Variants in VAT1L observed in about 807,000 individuals in gnomAD.
The protein encoded by VAT1L is putative NADPH-dependent quinone oxidoreductase VAT1L.
VAT1L carries 34 observed loss-of-function variants against 44.1 expected under a neutral mutation model. That is an observed-to-expected ratio of 0.77 (90% CI 0.59 to 1.03). VAT1L has a LOEUF of 1.03. Ranked by LOEUF, VAT1L falls within the 50% of genes least tolerant of loss-of-function variation. VAT1L has a pLI of 0.00. For missense variants in VAT1L, 615 were observed against 538.8 expected (o/e 1.14, Z -1.40); for synonymous variants, 253 against 202.2 (o/e 1.25, Z -2.13).
chr16:77,923,514 G>T (rs975511781), intron 7 of VAT1L, among the ~76,000 whole-genome samples: 1 of 152,140 alleles, frequency 6.6e-6, no homozygotes, highest in East Asian at 1.9e-4. Context: ...TTGGTCCCTG[G>T]AAAGATTGAT....
chr16:77,842,205 C>T (rs1426997143), intron 3 of VAT1L, among the ~76,000 whole-genome samples: 1 of 152,174 alleles, frequency 6.6e-6, no homozygotes, highest in Admixed American at 6.5e-5. Context: ...GCTTTCAAAA[C>T]CAGTCTGGTT....
intron 7 of VAT1L, among the ~76,000 whole-genome samples, chr16:77,971,010 C>CT (rs11312977): frequency 9.3e-5 from 14 of 150,084 alleles, no homozygotes; most frequent in African/African-American, 2.9e-4. Context: ...TCTATTAAAA[C>CT]TTTTTTTTTT....
In VAT1L at chr16:77,967,343, T is replaced by C. The variant is rs1353592400; in HGVS notation, c.1078-4507T>C. 2.0e-5 allele frequency among the ~76,000 whole-genome samples: 3 copies of C among 152,228 alleles called. No homozygotes were observed. The East Asian group carries it at 5.8e-4, about 29-fold the overall frequency. The stretch of plus-strand genomic sequence containing the variant: ...TCAGGTTTCTCCTCTGTGAAACTGA[T>C]GCAGACACTTCTAAGAGGCTTGGTG... On this transcript the variant is annotated intron_variant, in intron 7 of 8. Coordinates refer to ENST00000302536, the MANE Select transcript of VAT1L (RefSeq NM_020927.3).
At chr16:77,838,553 G>A (rs927489933) in intron 3 of VAT1L, among the ~76,000 whole-genome samples, 8 of 152,038 alleles carry the variant, frequency 5.3e-5, no homozygotes, top group African/African-American at 1.7e-4. Flanking sequence ...CGACAGGATA[G>A]AGAGATTAAA....
intron 6 of VAT1L, among the ~76,000 whole-genome samples, chr16:77,883,934 C>T (rs573713554): frequency 2.0e-5 from 3 of 152,276 alleles, no homozygotes; most frequent in Admixed American, 1.3e-4. Flanking sequence ...ACAACCCCAT[C>T]ATCACCACCA....
At chr16:77,969,983 G>T (rs1419921156) in intron 7 of VAT1L, among the ~76,000 whole-genome samples, 1 of 148,292 alleles carries the variant, frequency 6.7e-6, no homozygotes, top group Admixed American at 6.9e-5. Flanking sequence ...GGAGGCCAAC[G>T]GGGGAGGATC....
chr16:77,921,819 C>G (rs2017614806), intron 7 of VAT1L, among the ~76,000 whole-genome samples: 2 of 152,092 alleles, frequency 1.3e-5, no homozygotes, highest in Non-Finnish European at 2.9e-5. Context: ...TGACAGCTCA[C>G]TGCAACCTCT....
At chr16:77,839,352 G>T (rs2016677592) in intron 3 of VAT1L, among the ~76,000 whole-genome samples, 1 of 151,656 alleles carries the variant, frequency 6.6e-6, no homozygotes, top group Admixed American at 6.6e-5. Context: ...TGGCCAACAC[G>T]GTGAAACCCT....
intron 7 of VAT1L, among the ~76,000 whole-genome samples, chr16:77,927,295 G>A (rs1451565415): frequency 6.8e-6 from 1 of 147,810 alleles, no homozygotes; most frequent in African/African-American, 2.5e-5. Context: ...CCGAGATCGC[G>A]CCACTACACT....
chr16:77,807,264 A>C (rs1363215229), intron 1 of VAT1L, among the ~76,000 whole-genome samples: 3 of 151,818 alleles, frequency 2.0e-5, no homozygotes, highest in African/African-American at 7.3e-5. Flanking sequence ...CTCAGTGCTC[A>C]CTCCCCCAGC....
intron 7 of VAT1L, among the ~76,000 whole-genome samples, chr16:77,943,391 T>C (rs1338870581): frequency 6.8e-6 from 1 of 147,700 alleles, no homozygotes; most frequent in African/African-American, 2.5e-5. Flanking sequence ...TTTTTTTTTT[T>C]TTTTTTGAGA....
intron 3 of VAT1L, among the ~76,000 whole-genome samples, chr16:77,844,952 T>C (rs2016744392): frequency 6.6e-6 from 1 of 152,172 alleles, no homozygotes; most frequent in South Asian, 2.1e-4. Context: ...ATGTCTTCAC[T>C]GAGTGGGTGA....
At chr16:77,967,469 T>G (rs1013045940) in intron 7 of VAT1L, among the ~76,000 whole-genome samples, 14 of 152,222 alleles carry the variant, frequency 9.2e-5, no homozygotes, top group Non-Finnish European at 1.6e-4. Flanking sequence ...AACATTGTCA[T>G]CAGAAAGGCT....
At chr16:77,819,968 T>C (rs1183290219) in intron 2 of VAT1L, among the ~76,000 whole-genome samples, 1 of 152,230 alleles carries the variant, frequency 6.6e-6, no homozygotes, top group Non-Finnish European at 1.5e-5. Flanking sequence ...CATTTAGTTT[T>C]CATAAAGACC....
intron 7 of VAT1L, among the ~76,000 whole-genome samples, chr16:77,934,482 T>C (rs1159116908): frequency 6.6e-6 from 1 of 152,134 alleles, no homozygotes; most frequent in African/African-American, 2.4e-5. Flanking sequence ...AATGGATTCT[T>C]CCCTAGAGCC....
intron 7 of VAT1L, among the ~76,000 whole-genome samples, chr16:77,959,557 T>C (rs2018139665): frequency 6.6e-6 from 1 of 152,234 alleles, no homozygotes; most frequent in African/African-American, 2.4e-5. Flanking sequence ...TAGTGATCCA[T>C]GGAATTACCC....
chr16:77,825,190 C>T (rs1292049233), intron 2 of VAT1L, 56 bp from the exon 3 acceptor site: 8 of 1,597,656 alleles, frequency 5.0e-6, no homozygotes, highest in South Asian at 4.4e-5. Context: ...TCTGTTCTCT[C>T]CTTGAGCCTC....
At chr16:77,825,522 C>T (rs562175352) in intron 3 of VAT1L, 61 bp downstream of exon 3, 7 of 1,524,014 alleles carry the variant, frequency 4.6e-6, no homozygotes, top group Admixed American at 2.0e-5. Flanking sequence ...TGGAGTGACA[C>T]CCCCCTGAGG....
intron 7 of VAT1L, chr16:77,892,782 G>A: frequency 2.6e-6 from 2 of 780,112 alleles, no homozygotes; most frequent in Non-Finnish European, 4.7e-6. Context: ...AAGACTGAGG[G>A]GTTGGATGGC....
Sources: gnomAD v4.1 joint callset for allele counts (sites outside exome capture counted in the v4.1 genomes callset) on GRCh38, gnomAD v4.1.1 for gene constraint, MANE v1.5 for transcripts, NCBI Gene and HGNC (gene_info 2026-07-23, HGNC 2026-07-21) for gene names.